The following SORCS3 variants were observed in gnomAD, a reference collection of about 807,000 sequenced individuals.
SORCS3 encodes the protein VPS10 domain-containing receptor SorCS3.
SORCS3 carries 57 observed loss-of-function variants against 146.3 expected under a neutral mutation model. The ratio of observed to expected loss-of-function variants is 0.39; its 90% CI spans 0.31 to 0.49. The LOEUF is 0.49. SORCS3 is among the 20% of genes least tolerant of loss of function. SORCS3 has a pLI of 0.92. For missense variants in SORCS3, 1,341 were observed against 1,575.5 expected, an observed-to-expected ratio of 0.85 and a Z score of 2.52; for synonymous variants, 653 against 618.5, an observed-to-expected ratio of 1.06 and a Z score of -0.83.
chr10:105,149,240 C>G (rs1280845985), intron 9 of SORCS3, among the ~76,000 whole-genome samples: 1 of 152,094 alleles, frequency 6.6e-6, no homozygotes, highest in Non-Finnish European at 1.5e-5. Context: ...TGCACCTGTT[C>G]TGTTAGGCAG....
chr10:105,080,026 G>A (rs140136935), intron 5 of SORCS3, among the ~76,000 whole-genome samples: 3,208 of 152,174 alleles, frequency 0.021, 54 homozygotes, highest in Middle Eastern at 0.058. Flanking sequence ...ACATTCACGC[G>A]CATGTGTCTT....
At chr10:104,762,943 C>G (rs998814802) in intron 1 of SORCS3, among the ~76,000 whole-genome samples, 25 of 152,180 alleles carry the variant, frequency 1.6e-4, no homozygotes, top group African/African-American at 5.8e-4. Flanking sequence ...TGCTCAGACT[C>G]CATCCCCAGA....
Position 104,967,825 on chromosome 10 carries a change from A to AT in SORCS3, c.796-9496dup, listed in dbSNP as rs559676802. On this transcript the variant is annotated intron_variant, in intron 3 of 26. Coordinates refer to ENST00000369701, the MANE Select transcript of SORCS3 (RefSeq NM_014978.3). ...AAGTGCACGCCACCACACCAGACTAATTTTTTTTTTTTTTGATAGAGTTGA... is the reference window on the plus strand; with the variant it reads ...AAGTGCACGCCACCACACCAGACTAATTTTTTTTTTTTTTTGATAGAGTTGA... Among the ~76,000 whole-genome samples, 1,093 of 143,372 alleles carry AT rather than the reference A, an allele frequency of 7.6e-3. 9 individuals carry two copies. Among genetic ancestry groups the AT allele is most frequent in the African/African-American group, 0.019 (756 of 39,318 alleles). The allele number at this position is 143,372 out of a possible 152,430, so 94.1% of individuals were successfully genotyped here. A position where few individuals can be genotyped will look rare whatever the true frequency, so the allele number is the denominator to read the frequency against.
At chr10:105,076,055 A>C (rs1189514037) in intron 5 of SORCS3, among the ~76,000 whole-genome samples, 1 of 152,208 alleles carries the variant, frequency 6.6e-6, no homozygotes, top group Non-Finnish European at 1.5e-5. Flanking sequence ...TGTTCCATAA[A>C]GTGCTTGGAA....
rs115103638 is a variant in SORCS3 at position 104,916,550 on chromosome 10, C to T, written c.795+618C>T. Among the ~76,000 whole-genome samples, 649 of 152,218 alleles carry T rather than the reference C, an allele frequency of 4.3e-3. 6 individuals are homozygous for T. Among genetic ancestry groups the T allele is most frequent in the African/African-American group, 0.015 (619 of 41,542 alleles). ...CAGGATGAAATCATATAAGGTCAGA[C>T]CTTGGCCATGGAAATCTACTGAGAG... On this transcript the variant is annotated intron_variant, in intron 3 of 26. Transcript: ENST00000369701.
At chr10:104,915,642 C>T (rs1180393998) in intron 2 of SORCS3, among the ~76,000 whole-genome samples, 191 bp from the exon 3 acceptor site, 6 of 152,222 alleles carry the variant, frequency 3.9e-5, no homozygotes, top group Admixed American at 6.5e-5. Flanking sequence ...AAGGGGAGCA[C>T]GCTTAGGTAG....
chr10:104,882,015 G>A (rs568809563), intron 2 of SORCS3, among the ~76,000 whole-genome samples: 1 of 152,212 alleles, frequency 6.6e-6, no homozygotes, highest in South Asian at 2.1e-4. Flanking sequence ...AGGGTATGAA[G>A]CTAGAGGTGA....
At chr10:104,886,572 A>G (rs2018690254) in intron 2 of SORCS3, among the ~76,000 whole-genome samples, 1 of 151,496 alleles carries the variant, frequency 6.6e-6, no homozygotes, top group African/African-American at 2.4e-5. Flanking sequence ...CTATCTATCT[A>G]TCTATCTATC....
In SORCS3 at chr10:105,197,755, A is replaced by G. The variant is rs79216554; in HGVS notation, c.2010-2244A>G. On this transcript the variant is annotated intron_variant, in intron 14 of 26. Transcript: ENST00000369701. ...GAGAGGATCTAGCTAACATTTCTCTAGGTGACATCACACCTTATTAAATTA... is the reference window on the plus strand; with the variant it reads ...GAGAGGATCTAGCTAACATTTCTCTGGGTGACATCACACCTTATTAAATTA... Among the ~76,000 whole-genome samples, 1,002 of 152,288 alleles carry G rather than the reference A, an allele frequency of 6.6e-3. 15 individuals carry two copies. Among genetic ancestry groups the G allele is most frequent in the East Asian group, 0.055 (282 of 5,168 alleles).
chr10:105,085,599 A>C (rs1463399979), intron 5 of SORCS3, among the ~76,000 whole-genome samples: 10 of 152,216 alleles, frequency 6.6e-5, no homozygotes, highest in Admixed American at 6.5e-4. Flanking sequence ...TATAAAAATC[A>C]TTCTATTTCT....
At chr10:104,854,918 T>C (rs750060078) in intron 2 of SORCS3, among the ~76,000 whole-genome samples, 2 of 152,202 alleles carry the variant, frequency 1.3e-5, no homozygotes, top group African/African-American at 2.4e-5. Context: ...CAAGTAGTAG[T>C]CTAGGGTATG....
intron 25 of SORCS3, among the ~76,000 whole-genome samples, chr10:105,260,685 G>T (rs1349153904): frequency 6.6e-6 from 1 of 152,164 alleles, no homozygotes; most frequent in Non-Finnish European, 1.5e-5. Context: ...TCCACATTTC[G>T]CATCATTTGG....
At chr10:104,715,495 A>G (rs2016465896) in intron 1 of SORCS3, among the ~76,000 whole-genome samples, 1 of 152,082 alleles carries the variant, frequency 6.6e-6, no homozygotes. Context: ...AGATCATGGG[A>G]CTTCTCAGCC....
chr10:105,242,435 T>G (rs1297619270), intron 20 of SORCS3, among the ~76,000 whole-genome samples: 4 of 83,834 alleles, frequency 4.8e-5, no homozygotes, highest in Non-Finnish European at 8.7e-5. Flanking sequence ...TATTTATACA[T>G]ATATTTATAT....
At chr10:105,210,502 G>C (rs1327783056) in intron 16 of SORCS3, among the ~76,000 whole-genome samples, 1 of 151,960 alleles carries the variant, frequency 6.6e-6, no homozygotes, top group African/African-American at 2.4e-5. Context: ...CTTCAGATAG[G>C]GGACCTCCTT....
chr10:104,782,638 A>C (rs2017388598), intron 1 of SORCS3, among the ~76,000 whole-genome samples: 1 of 152,146 alleles, frequency 6.6e-6, no homozygotes, highest in Non-Finnish European at 1.5e-5. Flanking sequence ...CACTCTTCTT[A>C]TGTTTGGCCA....
At chr10:104,818,435 C>G (rs938821453) in intron 1 of SORCS3, among the ~76,000 whole-genome samples, 4 of 132,416 alleles carry the variant, frequency 3.0e-5, no homozygotes, top group African/African-American at 1.1e-4. Flanking sequence ...AGCTGGTCCT[C>G]TAGCATGTGA....
chr10:104,704,847 G>C (rs1157775217), intron 1 of SORCS3, among the ~76,000 whole-genome samples: 1 of 152,128 alleles, frequency 6.6e-6, no homozygotes, highest in Non-Finnish European at 1.5e-5. Context: ...CTTTATAGAT[G>C]CTGTTTTGGT....
chr10:104,696,762 T>C (rs1013055105), intron 1 of SORCS3, among the ~76,000 whole-genome samples: 8 of 120,452 alleles, frequency 6.6e-5, no homozygotes, highest in African/African-American at 9.5e-5. Context: ...GTATATATAA[T>C]ATATATAATA....
Sources: gnomAD v4.1 joint callset for allele counts (sites outside exome capture counted in the v4.1 genomes callset) on GRCh38, gnomAD v4.1.1 for gene constraint, MANE v1.5 for transcripts, NCBI Gene and HGNC (gene_info 2026-07-23, HGNC 2026-07-21) for gene names.